Variants in ARFGEF3 observed in about 807,000 individuals in gnomAD.
ARFGEF3 encodes brefeldin A-inhibited guanine nucleotide-exchange protein 3.
ARFGEF3 carries 96 observed loss-of-function variants against 221.7 expected under a neutral mutation model. The ratio of observed to expected loss-of-function variants is 0.43; its 90% CI spans 0.37 to 0.51. The LOEUF is 0.51. Ranked by LOEUF, ARFGEF3 falls within the 20% of genes least tolerant of loss-of-function variation. The pLI, the probability that ARFGEF3 is intolerant of heterozygous loss-of-function variation, is 0.00. For missense variants in ARFGEF3, 2,410 were observed against 2,789.9 expected (o/e 0.86, Z 3.07); for synonymous variants, 1,145 against 1,126.8 (o/e 1.02, Z -0.32).
intron 17 of ARFGEF3, among the ~76,000 whole-genome samples, chr6:138,288,768 G>A (rs1170526566): frequency 6.6e-6 from 1 of 152,054 alleles, no homozygotes; most frequent in Non-Finnish European, 1.5e-5. Flanking sequence ...ATTAGGAGAT[G>A]GTTTGGATTC....
Position 138,334,275 on chromosome 6 carries a change from C to G in ARFGEF3, c.5429C>G (p.Ser1810Cys), listed in dbSNP as rs1780279721. 6.2e-7 allele frequency: 1 copy of G among 1,613,854 alleles called. No individual in the cohort carries two copies. The highest frequency in any genetic ancestry group is 8.5e-7 in the Non-Finnish European group (1 of 1,179,842). Residue 1810 changes from serine (S) to cysteine (C), a missense_variant, in exon 33 of 34, where the codon TCT (serine) becomes TGT (cysteine). By Grantham distance (112) the Ser-to-Cys change is moderately radical. Transcript: ENST00000251691. The surrounding 1 kb of genome is among the most constrained non-coding windows in gnomAD (Gnocchi z 5.1). ...IGGAANLYRQSAMSFNIYFHA... is the reference protein window; with the variant it reads ...IGGAANLYRQCAMSFNIYFHA... Reference sequence around the variant, plus strand: ...GGCGCCGCCAACCTCTACCGCCAGTCTGCGATGAGCTTTAACATTTATTTC... The same window carrying G: ...GGCGCCGCCAACCTCTACCGCCAGTGTGCGATGAGCTTTAACATTTATTTC...
At chr6:138,197,893 C>T (rs544448205) in intron 2 of ARFGEF3, among the ~76,000 whole-genome samples, 48 of 152,088 alleles carry the variant, frequency 3.2e-4, no homozygotes, top group African/African-American at 8.9e-4. Flanking sequence ...GTATTAAAAT[C>T]GGTACAAATG....
chr6:138,166,628 A>T (rs1263482822), intron 1 of ARFGEF3, among the ~76,000 whole-genome samples: 1 of 152,224 alleles, frequency 6.6e-6, no homozygotes, highest in Admixed American at 6.5e-5. Context: ...GCTTGGGGAA[A>T]GGCAGAAAGA....
At chr6:138,218,525 A>G (rs1444251918) in intron 4 of ARFGEF3, 1 of 1,394,972 alleles carries the variant, frequency 7.2e-7, no homozygotes, top group East Asian at 2.5e-5. Context: ...AATCTAAGGA[A>G]AACACCCACT....
At chr6:138,327,982 C>T in intron 31 of ARFGEF3, 39 bp from the exon 32 acceptor site, 1 of 1,535,708 alleles carries the variant, frequency 6.5e-7, no homozygotes, top group Non-Finnish European at 8.8e-7. Context: ...AAGCAGAGGA[C>T]ACTGGAGTTC....
chr6:138,288,767 T>C (rs1779343705), intron 17 of ARFGEF3, among the ~76,000 whole-genome samples: 1 of 152,094 alleles, frequency 6.6e-6, no homozygotes, highest in Admixed American at 6.5e-5. Flanking sequence ...CATTAGGAGA[T>C]GGTTTGGATT....
At chr6:138,324,513 T>C (rs1194551132) in intron 31 of ARFGEF3, among the ~76,000 whole-genome samples, 8 of 152,258 alleles carry the variant, frequency 5.3e-5, no homozygotes, top group Admixed American at 5.2e-4. Context: ...CAAACTTATT[T>C]GGGCTTTTTT....
chr6:138,217,322 T>C (rs564328045), intron 4 of ARFGEF3: 52 of 152,354 alleles, frequency 3.4e-4, no homozygotes, highest in African/African-American at 1.2e-3. Flanking sequence ...GAAAGTTCTC[T>C]GATTTTTTAA....
At chr6:138,329,791 A>G (rs565516887) in intron 32 of ARFGEF3, among the ~76,000 whole-genome samples, 1 of 152,346 alleles carries the variant, frequency 6.6e-6, no homozygotes, top group South Asian at 2.1e-4. Context: ...GGTTACGCCT[A>G]TCCCCCAATG....
chr6:138,221,790 C>T (rs962938521), intron 4 of ARFGEF3, among the ~76,000 whole-genome samples: 3 of 152,128 alleles, frequency 2.0e-5, no homozygotes, highest in African/African-American at 7.2e-5. Context: ...GAAAAGAACC[C>T]GTGACATGAC....
In ARFGEF3 at chr6:138,263,234, C is replaced by T. The variant is rs772114384; in HGVS notation, c.1751C>T (p.Thr584Ile). The stretch of plus-strand genomic sequence containing the variant: ...AACTTCCTGTCAGTAGACTGCAGGA[C>T]AAGGTCCTATGGATCTAGGTATAGT... ...ITNFLSVDCR[T>I]RSYGSRYSES... Residue 584 changes from threonine (T) to isoleucine (I), a missense_variant, in exon 12 of 34, where the codon ACA becomes ATA. Physicochemically the swap from Thr to Ile is moderately conservative, Grantham distance 89. Around this residue, in one of 5 missense-constraint regions of ARFGEF3, gnomAD observed 594 missense variants for 734.3 expected, o/e 0.81. Transcript: ENST00000251691. 9 of 1,613,914 alleles carry T rather than the reference C, an allele frequency of 5.6e-6. No homozygotes were observed. Among genetic ancestry groups the T allele is most frequent in the Non-Finnish European group, 6.8e-6 (8 of 1,179,896 alleles).
rs555555246 is a variant in ARFGEF3 at position 138,245,834 on chromosome 6, A to T, written c.665+243A>T. On this transcript the variant is annotated intron_variant, in intron 8 of 33. Coordinates refer to ENST00000251691, the MANE Select transcript of ARFGEF3 (RefSeq NM_020340.5). ...TGTGACAATGGGAAGATGATACCTT[A>T]CAGAGAACAATTGCTTCATGGAGCA... Among the ~76,000 whole-genome samples the T allele has an allele frequency of 3.0e-4, 45 of 152,336 alleles. No individual in the cohort carries two copies. In the Middle Eastern group the frequency reaches 0.017, roughly 58 times the overall value.
rs142001469 is a variant in ARFGEF3 at position 138,334,794 on chromosome 6, G to A, written c.5948G>A (p.Gly1983Asp). Residue 1983 changes from glycine to aspartate, a missense_variant, in exon 33 of 34, where the codon GGT (glycine) becomes GAT (aspartate). Around this residue, in one of 5 missense-constraint regions of ARFGEF3, gnomAD observed 339 missense variants for 334.9 expected, o/e 1.01. Transcript: ENST00000251691. The surrounding 1 kb of genome is among the most constrained non-coding windows in gnomAD (Gnocchi z 5.1). Reference sequence around the variant, plus strand: ...GAGTCCCTGAGCCTGAAGGCCGGTGGTGGGGACCTGCTGCTGCCCCCCAGC... The same window carrying A: ...GAGTCCCTGAGCCTGAAGGCCGGTGATGGGGACCTGCTGCTGCCCCCCAGC... ...MGESLSLKAG[G>D]GDLLLPPSPK... 1.4e-3 allele frequency: 2,258 copies of A among 1,605,746 alleles called. 34 individuals carry two copies. Among genetic ancestry groups the A allele is most frequent in the Non-Finnish European group, 1.5e-4 (174 of 1,176,342 alleles).
intron 4 of ARFGEF3, among the ~76,000 whole-genome samples, chr6:138,212,441 A>G (rs973957497): frequency 6.6e-6 from 1 of 152,222 alleles, no homozygotes; most frequent in Non-Finnish European, 1.5e-5. Context: ...TAGTTCAACC[A>G]TTGTGGAAGA....
chr6:138,282,461 G>T (rs1415271126), intron 14 of ARFGEF3, among the ~76,000 whole-genome samples: 2 of 152,210 alleles, frequency 1.3e-5, no homozygotes, highest in African/African-American at 2.4e-5. Flanking sequence ...GTTGCCTATG[G>T]TTGGCACTGG....
intron 20 of ARFGEF3, among the ~76,000 whole-genome samples, chr6:138,296,422 C>T (rs1473699285): frequency 6.6e-6 from 1 of 152,110 alleles, no homozygotes; most frequent in Non-Finnish European, 1.5e-5. Context: ...AGTATTATCC[C>T]CAGGTTTACA....
chr6:138,218,938 T>C (rs1435183414), intron 4 of ARFGEF3, among the ~76,000 whole-genome samples: 1 of 151,214 alleles, frequency 6.6e-6, no homozygotes, highest in Admixed American at 6.6e-5. Flanking sequence ...TTTGTTGCTT[T>C]TTTAGACCTT....
chr6:138,176,380 A>C lies in ARFGEF3; in HGVS notation c.137+5667A>C, dbSNP rs531927865. 1.4e-3 allele frequency among the ~76,000 whole-genome samples: 217 copies of C among 151,892 alleles called. 2 individuals are homozygous for C. Among genetic ancestry groups the C allele is most frequent in the African/African-American group, 5.0e-3 (207 of 41,424 alleles). ...GTGTTTTTAGTAGAGACGGAGTTTC[A>C]CCATATTGGCCAGGCTGGTCTCGAA... On this transcript the variant is annotated intron_variant, in intron 2 of 33. Transcript: ENST00000251691.
intron 2 of ARFGEF3, among the ~76,000 whole-genome samples, chr6:138,187,960 A>T (rs1344569335): frequency 6.6e-6 from 1 of 152,180 alleles, no homozygotes; most frequent in African/African-American, 2.4e-5. Flanking sequence ...GGGGGGTTTA[A>T]TCTAGGGAAA....
Sources: gnomAD v4.1 joint callset for allele counts (sites outside exome capture counted in the v4.1 genomes callset) on GRCh38, gnomAD v4.1.1 for gene constraint, gnomAD v4.1.1 regional missense constraint, Gnocchi (gnomAD v3.1) non-coding constraint, MANE v1.5 for transcripts, NCBI Gene and HGNC (gene_info 2026-07-23, HGNC 2026-07-21) for gene names.